Variants in S1PR2 observed in about 807,000 individuals in gnomAD.
The protein encoded by S1PR2 is sphingosine 1-phosphate receptor 2.
S1PR2 carries 9 observed loss-of-function variants against 16.1 expected under a neutral mutation model. That is an observed-to-expected ratio of 0.56 (90% confidence interval 0.34 to 0.98). S1PR2 has a LOEUF of 0.98. S1PR2 is among the 50% of genes least tolerant of loss of function. S1PR2 has a pLI of 0.02. For synonymous variants in S1PR2, 224 were observed against 233.9 expected, an observed-to-expected ratio of 0.96 and a Z score of 0.38; for missense variants, 361 against 488.4, an observed-to-expected ratio of 0.74 and a Z score of 2.46.
intron 1 of S1PR2, among the ~76,000 whole-genome samples, chr19:10,229,225 C>T (rs1208152088): frequency 6.6e-6 from 1 of 152,066 alleles, no homozygotes; most frequent in Non-Finnish European, 1.5e-5. Flanking sequence ...TCCATGCTAC[C>T]CCTACCCCTA....
At chr19:10,231,004 G>A (rs892420517) in intron 1 of S1PR2, among the ~76,000 whole-genome samples, 200 bp downstream of exon 1, 1 of 152,364 alleles carries the variant, frequency 6.6e-6, no homozygotes, top group South Asian at 2.1e-4. Context: ...GGGGAGCACA[G>A]TCTGCGGGTT....
rs1250101095 is a variant in S1PR2, at chr19:10,222,534, G to A, written c.*1310C>T. 1.3e-5 allele frequency: 2 copies of A among 152,314 alleles called. No individual in the cohort carries two copies. Among genetic ancestry groups the A allele is most frequent in the Admixed American group, 6.6e-5 (1 of 15,254 alleles). 9.4% of individuals were successfully genotyped at this position (152,314 alleles called of 1,614,324 possible). A position where few individuals can be genotyped will look rare whatever the true frequency, so the allele number is the denominator to read the frequency against. On this transcript the variant is annotated 3_prime_UTR_variant, in exon 2 of 2. Coordinates refer to ENST00000646641, the MANE Select transcript of S1PR2 (RefSeq NM_004230.4). The stretch of plus-strand genomic sequence containing the variant: ...AAGTCCTCCCCAGCCACCCAAACTC[G>A]TTTTTCTCACTTTTGGTGATTATTC...
At position 10,224,945 on chromosome 19, in the gene S1PR2, G is replaced by A. The variant is rs1441386217; in HGVS notation, c.-40C>T. ...GCCTGCTGGGGCCATGGGGCTTTCA[G>A]AACTGCAGAGAAGACAGACAGACAG... On this transcript the variant is annotated splice_region_variant and 5_prime_UTR_variant, in exon 2 of 2. Coordinates refer to ENST00000646641, the MANE Select transcript of S1PR2 (RefSeq NM_004230.4). 6.6e-7 allele frequency: 1 copy of A among 1,509,628 alleles called. No homozygotes were observed. The highest frequency in any genetic ancestry group is 1.8e-5 in the Admixed American group (1 of 55,438). The allele number at this position is 1,509,628 out of a possible 1,614,324, so 93.5% of individuals were successfully genotyped here.
intron 1 of S1PR2, among the ~76,000 whole-genome samples, chr19:10,227,973 C>A (rs1177372032): frequency 3.3e-5 from 5 of 152,024 alleles, no homozygotes; most frequent in African/African-American, 1.2e-4. Flanking sequence ...CTGCTGCTCA[C>A]CAAGAGATTT....
chr19:10,230,117 A>C (rs564156321), intron 1 of S1PR2, among the ~76,000 whole-genome samples: 1 of 152,330 alleles, frequency 6.6e-6, no homozygotes, highest in East Asian at 1.9e-4. Flanking sequence ...CAGCGCCCCC[A>C]TCGCCCACCA....
intron 1 of S1PR2, 29 bp from the exon 2 acceptor site, chr19:10,224,976 C>A (rs1158670580): frequency 7.0e-6 from 9 of 1,294,560 alleles, no homozygotes; most frequent in Non-Finnish European, 9.7e-6. Context: ...GACAGACAGA[C>A]AATAGGTCAG....
intron 1 of S1PR2, among the ~76,000 whole-genome samples, chr19:10,228,653 G>A (rs192477302): frequency 1.4e-3 from 216 of 152,320 alleles, no homozygotes; most frequent in African/African-American, 5.1e-3. Flanking sequence ...CCTAGCCCAT[G>A]TCCCCTCCCT....
intron 1 of S1PR2, 127 bp from the exon 2 acceptor site, chr19:10,225,074 T>C (rs1416833903): frequency 1.7e-6 from 1 of 597,704 alleles, no homozygotes; most frequent in African/African-American, 1.9e-5. Context: ...GCCACATGAA[T>C]TCAGAATCAT....
In S1PR2 at chr19:10,224,117, G is replaced by A; in HGVS notation, c.789C>T (p.Ser263=). 6.2e-7 allele frequency: 1 copy of A among 1,604,822 alleles called. No individual in the cohort carries two copies. The highest frequency in any genetic ancestry group is 8.5e-7 in the Non-Finnish European group (1 of 1,179,974). The change falls in exon 2 of 2, where the codon TCC becomes TCT. Residue 263 remains serine (S), a synonymous_variant. Coordinates refer to ENST00000646641, the MANE Select transcript of S1PR2 (RefSeq NM_004230.4). ...LLLDYACPVH[S]CPILYKAHYF... ...AGTGGGCTTTGTAGAGGATCGGGCA[G>A]GAGTGGACGGGACAGGCATAGTCCA... is the stretch of plus-strand genomic sequence containing the variant.
intron 1 of S1PR2, among the ~76,000 whole-genome samples, chr19:10,229,862 T>G (rs1419894701): frequency 6.6e-6 from 1 of 152,164 alleles, no homozygotes. Context: ...TCTTTCCTTT[T>G]CTGTCTGGCT....
In S1PR2 at chr19:10,222,493, T is replaced by G. The variant is rs1331442091; in HGVS notation, c.*1351A>C. The G allele has an allele frequency of 6.6e-6, 1 of 152,182 alleles. No individual in the cohort carries two copies. Among genetic ancestry groups the G allele is most frequent in the Non-Finnish European group, 1.5e-5 (1 of 68,010 alleles). The allele number at this position is 152,182 out of a possible 1,614,324, so 9.4% of individuals were successfully genotyped here. Reference sequence around the variant, plus strand: ...CCCAGAATTTTCTCAAGTTGCGCCTTGCATCAAGAGTCCCAAAGTCCTCCC... The same window carrying G: ...CCCAGAATTTTCTCAAGTTGCGCCTGGCATCAAGAGTCCCAAAGTCCTCCC... On this transcript the variant is annotated 3_prime_UTR_variant, in exon 2 of 2. Coordinates refer to ENST00000646641, the MANE Select transcript of S1PR2 (RefSeq NM_004230.4).
At position 10,224,505 on chromosome 19, in the gene S1PR2, A is replaced by G; in HGVS notation, c.401T>C (p.Ile134Thr). 1 of 1,613,878 alleles carries G rather than the reference A, an allele frequency of 6.2e-7. No individual in the cohort carries two copies. The highest frequency in any genetic ancestry group is 2.2e-5 in the East Asian group (1 of 44,892). Residue 134 changes from isoleucine (I) to threonine (T), a missense_variant, in exon 2 of 2, where the codon ATT becomes ACT. Physicochemically the swap from Ile to Thr is moderately conservative, Grantham distance 89. Coordinates refer to ENST00000646641, the MANE Select transcript of S1PR2 (RefSeq NM_004230.4). Reference sequence around the variant, plus strand: ...GCTGCCATACAGCTTGACCTTGGCAATGGCCACGTGGCGCTCAATGGCGAT... The same window carrying G: ...GCTGCCATACAGCTTGACCTTGGCAGTGGCCACGTGGCGCTCAATGGCGAT... ...LAIAIERHVA[I>T]AKVKLYGSDK... is the part of the protein sequence containing the mutation.
chr19:10,224,098 CTT>C lies in S1PR2; in HGVS notation c.806_807del (p.Lys269SerfsTer106), dbSNP rs2039613226. On this transcript the variant is annotated frameshift_variant, in exon 2 of 2. Coordinates refer to ENST00000646641, the MANE Select transcript of S1PR2 (RefSeq NM_004230.4). LOFTEE classifies it high-confidence loss of function. Reference protein sequence around the residue: ...CPVHSCPILYKAHYFFAVSTL... With the variant: ...CPVHSCPILYXAHYFFAVSTL... The stretch of plus-strand genomic sequence containing the variant: ...GTGGAGACGGCGAAAAAGTAGTGGG[CTT>C]TGTAGAGGATCGGGCAGGAGTGGAC... 1 of 1,605,716 alleles carries C rather than the reference CTT, an allele frequency of 6.2e-7. No homozygotes were observed. The highest frequency in any genetic ancestry group is 8.5e-7 in the Non-Finnish European group (1 of 1,179,964).
intron 1 of S1PR2, among the ~76,000 whole-genome samples, chr19:10,226,998 G>A (rs1452658781): frequency 2.4e-5 from 3 of 122,880 alleles, no homozygotes; most frequent in African/African-American, 6.0e-5. Flanking sequence ...CCCCCCCATC[G>A]CCACCCACCA....
At chr19:10,230,834 C>A (rs986010815) in intron 1 of S1PR2, among the ~76,000 whole-genome samples, 5 of 152,222 alleles carry the variant, frequency 3.3e-5, no homozygotes, top group African/African-American at 7.2e-5. Context: ...CTTTTGCCCT[C>A]GCTCAGCCGG....
At position 10,224,715 on chromosome 19, in the gene S1PR2, A is replaced by C; in HGVS notation, c.191T>G (p.Phe64Cys). The C allele has an allele frequency of 6.2e-7, 1 of 1,614,210 alleles. No individual in the cohort carries two copies. Among genetic ancestry groups the C allele is most frequent in the Non-Finnish European group, 8.5e-7 (1 of 1,180,048 alleles). Residue 64 changes from phenylalanine to cysteine, a missense_variant, in exon 2 of 2, where the codon TTC (phenylalanine) becomes TGC (cysteine). Coordinates refer to ENST00000646641, the MANE Select transcript of S1PR2 (RefSeq NM_004230.4). Reference protein sequence around the residue: ...VLIAVARNSKFHSAMYLFLGN... With the variant: ...VLIAVARNSKCHSAMYLFLGN... ...CAGAAACAGGTACATTGCCGAGTGG[A>C]ACTTGCTGTTTCGGGCCACCGCAAT...
At chr19:10,229,237 C>A (rs2039654399) in intron 1 of S1PR2, among the ~76,000 whole-genome samples, 1 of 151,758 alleles carries the variant, frequency 6.6e-6, no homozygotes, top group African/African-American at 2.4e-5. Flanking sequence ...CTACCCCTAC[C>A]TCCAAGCCTT....
intron 1 of S1PR2, among the ~76,000 whole-genome samples, chr19:10,230,869 C>G (rs988606896): frequency 1.3e-5 from 2 of 152,324 alleles, no homozygotes; most frequent in East Asian, 1.9e-4. Flanking sequence ...GGTGTTGCCC[C>G]CCCCCAAACA....
At chr19:10,225,395 T>G (rs1363043722) in intron 1 of S1PR2, among the ~76,000 whole-genome samples, 2 of 128,760 alleles carry the variant, frequency 1.6e-5, no homozygotes, top group African/African-American at 2.9e-5. Flanking sequence ...GGCTAATTTT[T>G]TTTTTTTTTT....
Sources: gnomAD v4.1 joint callset for allele counts (sites outside exome capture counted in the v4.1 genomes callset) on GRCh38, gnomAD v4.1.1 for gene constraint, MANE v1.5 for transcripts, NCBI Gene and HGNC (gene_info 2026-07-23, HGNC 2026-07-21) for gene names.